ZNF124: variants seen among roughly 807,000 people sequenced by gnomAD.
ZNF124 encodes the protein zinc finger protein HZF-16.
In ZNF124, 25 loss-of-function variants were observed where a neutral mutation model predicts 26.6. The observed-to-expected ratio is 0.94, with a 90% CI of 0.68 to 1.31. The LOEUF (loss-of-function observed/expected upper bound fraction) is 1.31, where lower values mean the gene tolerates loss of function less well. Among genes scored for constraint, ZNF124 ranks in the 40% most tolerant of loss-of-function variants. The pLI, the probability that ZNF124 is intolerant of heterozygous loss-of-function variation, is 0.00. For missense variants in ZNF124, 444 were observed against 422.2 expected, an observed-to-expected ratio of 1.05 and a Z score of -0.45; for synonymous variants, 129 against 133.3, an observed-to-expected ratio of 0.97 and a Z score of 0.22.
upstream of ZNF124, among the ~76,000 whole-genome samples, chr1:247,172,309 A>G (rs1674119641): frequency 6.6e-6 from 1 of 152,148 alleles, no homozygotes; most frequent in South Asian, 2.1e-4. Flanking sequence ...GATATTTAAA[A>G]TAGGAAACAA....
chr1:247,169,476 T>G (rs372903905), intron 1 of ZNF124, among the ~76,000 whole-genome samples: 12 of 152,178 alleles, frequency 7.9e-5, no homozygotes, highest in African/African-American at 2.9e-4. Flanking sequence ...ATCATTTCTG[T>G]CTCTCCCTCA....
At chr1:247,134,651 A>G (rs558624236) in intron 3 of ZNF124, among the ~76,000 whole-genome samples, 2 of 152,368 alleles carry the variant, frequency 1.3e-5, no homozygotes, top group South Asian at 2.1e-4. Flanking sequence ...CTGTGTAATA[A>G]TAGTATGAGA....
chr1:247,146,574 C>G (rs1467988627), intron 3 of ZNF124, among the ~76,000 whole-genome samples: 2 of 152,158 alleles, frequency 1.3e-5, no homozygotes, highest in Non-Finnish European at 2.9e-5. Flanking sequence ...GGTGCAGGCT[C>G]TTTTTGTCAA....
At chr1:247,146,982 T>C (rs1336396142) in intron 3 of ZNF124, among the ~76,000 whole-genome samples, 1 of 152,136 alleles carries the variant, frequency 6.6e-6, no homozygotes, top group Non-Finnish European at 1.5e-5. Flanking sequence ...AGTTATCTCT[T>C]CATGCTTCCT....
chr1:247,164,124 A>G (rs1448345465), intron 1 of ZNF124, among the ~76,000 whole-genome samples: 1 of 152,216 alleles, frequency 6.6e-6, no homozygotes, highest in Non-Finnish European at 1.5e-5. Flanking sequence ...TCAACAAACT[A>G]GGCATCGGAG....
At chr1:247,132,475 G>A (rs990343966) in intron 3 of ZNF124, among the ~76,000 whole-genome samples, 4 of 152,172 alleles carry the variant, frequency 2.6e-5, no homozygotes, top group Admixed American at 2.6e-4. Flanking sequence ...TCAGAAGATG[G>A]CTAATAAAAA....
chr1:247,159,463 T>C (rs1447640412), intron 2 of ZNF124, among the ~76,000 whole-genome samples: 1 of 152,162 alleles, frequency 6.6e-6, no homozygotes, highest in Non-Finnish European at 1.5e-5. Flanking sequence ...GCCACTAGAA[T>C]CATAAACCAA....
chr1:247,159,139 T>G (rs1396129790), intron 2 of ZNF124, 73 bp from the exon 3 acceptor site: 3 of 1,425,840 alleles, frequency 2.1e-6, no homozygotes, highest in Non-Finnish European at 2.9e-6. Flanking sequence ...CTAGGTGCTA[T>G]GTTGGGGATA....
At chr1:247,167,223 A>C (rs1226226664) in intron 1 of ZNF124, among the ~76,000 whole-genome samples, 1 of 152,248 alleles carries the variant, frequency 6.6e-6, no homozygotes, top group Non-Finnish European at 1.5e-5. Context: ...AGATCAGGAA[A>C]GAGCGGTAGA....
intron 1 of ZNF124, among the ~76,000 whole-genome samples, chr1:247,163,311 GAAGA>G (rs1257680653): frequency 7.2e-6 from 1 of 138,554 alleles, no homozygotes; most frequent in African/African-American, 2.8e-5. Context: ...GAGATAAATT[GAAGA>G]GAGAGAGAAA....
chr1:247,152,054 C>CTT (rs34178643), downstream of ZNF124, among the ~76,000 whole-genome samples: 90 of 142,886 alleles, frequency 6.3e-4, no homozygotes, highest in Admixed American at 1.3e-3. Flanking sequence ...CCACCCCCCG[C>CTT]TTTTTTTTTT....
Position 247,124,075 on chromosome 1 carries a change from G to A in ZNF124, c.219-204C>T, listed in dbSNP as rs539503893. Among the ~76,000 whole-genome samples the A allele has an allele frequency of 1.4e-4, 21 of 152,032 alleles. No homozygotes were observed. The East Asian group carries it at 3.3e-3, about 24-fold the overall frequency. ...GATCTCCTGACCTCATGATCCGCCC[G>A]CCTCGGCCTCCCAAAGTGCTGGGAT... is the stretch of plus-strand genomic sequence containing the variant. On this transcript the variant is annotated intron_variant, in intron 3 of 3. Coordinates refer to the ZNF124 transcript ENST00000472531.
chr1:247,159,850 A>C, intron 1 of ZNF124, 37 bp from the exon 2 acceptor site: 1 of 1,578,224 alleles, frequency 6.3e-7, no homozygotes, highest in Non-Finnish European at 8.6e-7. Flanking sequence ...GATGGATGAG[A>C]CTGAAAGCAC....
At position 247,155,677 on chromosome 1, in the gene ZNF124, C is replaced by A. The variant is rs745901070; in HGVS notation, c.*889G>T. The stretch of plus-strand genomic sequence containing the variant: ...GAGATTGAGACCATCCTGGCTAACA[C>A]GGTGAAACCCCATCTCTACTAAAAA... On this transcript the variant is annotated 3_prime_UTR_variant, in exon 4 of 4. Coordinates refer to ENST00000543802, the MANE Select transcript of ZNF124 (RefSeq NM_001297568.2). Among the ~76,000 whole-genome samples, 7 of 151,708 alleles carry A rather than the reference C, an allele frequency of 4.6e-5. No individual in the cohort carries two copies. The highest frequency in any genetic ancestry group is 1.0e-4 in the Non-Finnish European group (7 of 67,940).
chr1:247,146,869 A>C (rs1405568468), intron 3 of ZNF124, among the ~76,000 whole-genome samples: 1 of 152,136 alleles, frequency 6.6e-6, no homozygotes, highest in Non-Finnish European at 1.5e-5. Flanking sequence ...TGCTGGCATC[A>C]AGGCAGAATT....
At chr1:247,159,184 G>A in intron 2 of ZNF124, 118 bp from the exon 3 acceptor site, 1 of 894,898 alleles carries the variant, frequency 1.1e-6, no homozygotes, top group South Asian at 1.9e-5. Context: ...GCTGTAATTT[G>A]GTCATCAATA....
chr1:247,157,404 C>T lies in ZNF124; in HGVS notation c.219-1G>A, dbSNP rs185718770. 5 of 1,552,046 alleles carry T rather than the reference C, an allele frequency of 3.2e-6. No individual in the cohort carries two copies. In the African/African-American group the frequency reaches 6.8e-5, roughly 21 times the overall value. On this transcript the variant is annotated splice_acceptor_variant, in intron 3 of 3. Coordinates refer to ENST00000543802, the MANE Select transcript of ZNF124 (RefSeq NM_001297568.2). LOFTEE classifies it high-confidence loss of function. Reference sequence around the variant, plus strand: ...GTTTCCAGAATGAGATATGATGTGCCTATGAAGGGATGAATGACGTATGAA... The same window carrying T: ...GTTTCCAGAATGAGATATGATGTGCTTATGAAGGGATGAATGACGTATGAA...
intron 3 of ZNF124, among the ~76,000 whole-genome samples, chr1:247,127,713 C>A (rs934686310): frequency 1.3e-5 from 2 of 148,988 alleles, no homozygotes. Flanking sequence ...TCACGTACCC[C>A]CTGCTTGCTC....
chr1:247,159,179 A>G (rs770462267), intron 2 of ZNF124, 113 bp from the exon 3 acceptor site: 78 of 956,816 alleles, frequency 8.2e-5, no homozygotes, highest in Non-Finnish European at 1.1e-4. Flanking sequence ...TGAATGCTGT[A>G]ATTTGGTCAT....
Sources: gnomAD v4.1 joint callset for allele counts (sites outside exome capture counted in the v4.1 genomes callset) on GRCh38, gnomAD v4.1.1 for gene constraint, MANE v1.5 for transcripts, NCBI Gene and HGNC (gene_info 2026-07-23, HGNC 2026-07-21) for gene names.